The following TAFA1 variants were observed in gnomAD, a reference collection of about 807,000 sequenced individuals.
The protein encoded by TAFA1 is TAFA chemokine like family member 1, also known as chemokine-like protein TAFA-1.
In TAFA1, 4 loss-of-function variants were observed where a neutral mutation model predicts 18.5. The observed-to-expected ratio is 0.22, with a 90% confidence interval of 0.11 to 0.49. TAFA1 has a LOEUF of 0.49. Among genes scored for constraint, TAFA1 ranks in the 20% least tolerant of loss-of-function variants. TAFA1 has a pLI of 0.98. For missense variants in TAFA1, 147 were observed against 169.0 expected, an observed-to-expected ratio of 0.87 and a Z score of 0.72; for synonymous variants, 56 against 55.2, an observed-to-expected ratio of 1.01 and a Z score of -0.06.
intron 2 of TAFA1, among the ~76,000 whole-genome samples, chr3:68,288,228 C>T: frequency 6.6e-6 from 1 of 152,118 alleles, no homozygotes; most frequent in East Asian, 1.9e-4. Context: ...CTGCTCACTC[C>T]GCAGTGCAAA....
intron 2 of TAFA1, among the ~76,000 whole-genome samples, chr3:68,286,594 A>G (rs987672464): frequency 6.6e-6 from 1 of 152,180 alleles, no homozygotes; most frequent in Non-Finnish European, 1.5e-5. Flanking sequence ...AAAAACACCC[A>G]AGAAAGTTAG....
At chr3:68,305,635 T>G (rs1303890656) in intron 2 of TAFA1, among the ~76,000 whole-genome samples, 1 of 151,312 alleles carries the variant, frequency 6.6e-6, no homozygotes, top group Non-Finnish European at 1.5e-5. Context: ...CTAGAGTAAA[T>G]AATTAAAAGA....
chr3:68,278,908 G>A (rs2067845632), intron 2 of TAFA1, among the ~76,000 whole-genome samples: 1 of 152,150 alleles, frequency 6.6e-6, no homozygotes, highest in Admixed American at 6.6e-5. Flanking sequence ...TTCTAGACCA[G>A]TGCTTCCAAA....
chr3:68,046,772 G>A (rs909155361), intron 2 of TAFA1, among the ~76,000 whole-genome samples: 1 of 152,150 alleles, frequency 6.6e-6, no homozygotes, highest in African/African-American at 2.4e-5. Context: ...TATTGATAGA[G>A]TTAAGACTTG....
At chr3:68,086,504 T>G (rs1326975177) in intron 2 of TAFA1, among the ~76,000 whole-genome samples, 1 of 152,242 alleles carries the variant, frequency 6.6e-6, no homozygotes, top group African/African-American at 2.4e-5. Context: ...ATTCTTACTT[T>G]GCATTTTCAC....
chr3:68,164,630 C>CGTGTGTGT (rs1306831109), intron 2 of TAFA1, among the ~76,000 whole-genome samples: 35,296 of 146,452 alleles, frequency 0.24, 4,556 homozygotes, highest in Middle Eastern at 0.31. Flanking sequence ...CCTTTTGCAA[C>CGTGTGTGT]GTGTGTGTGT....
intron 2 of TAFA1, among the ~76,000 whole-genome samples, chr3:68,252,194 A>T (rs554084933): frequency 4.6e-5 from 7 of 152,168 alleles, no homozygotes; most frequent in Non-Finnish European, 8.8e-5. Flanking sequence ...TCTCTTATGA[A>T]ATTCACCAGA....
intron 2 of TAFA1, among the ~76,000 whole-genome samples, chr3:68,062,741 T>A (rs3924581): frequency 0.34 from 52,105 of 151,972 alleles, 9,683 homozygotes; most frequent in East Asian, 0.48. Flanking sequence ...AATATTTGAA[T>A]TATGAGTTGA....
chr3:68,409,307 A>G (rs1010803879), intron 2 of TAFA1, among the ~76,000 whole-genome samples: 1 of 152,280 alleles, frequency 6.6e-6, no homozygotes, highest in South Asian at 2.1e-4. Flanking sequence ...ACTGATAGAT[A>G]TGGTTTGGCA....
intron 3 of TAFA1, among the ~76,000 whole-genome samples, chr3:68,467,441 G>A (rs1015193612): frequency 7.2e-5 from 11 of 152,098 alleles, no homozygotes; most frequent in African/African-American, 1.7e-4. Context: ...CAATGGTTAC[G>A]GGTAGATGAT....
intron 2 of TAFA1, among the ~76,000 whole-genome samples, chr3:68,151,660 A>G (rs2065807924): frequency 6.6e-6 from 1 of 152,120 alleles, no homozygotes; most frequent in Non-Finnish European, 1.5e-5. Context: ...ACTAACCCAC[A>G]CCTAAGATAA....
At chr3:68,382,122 A>G (rs1202147105) in intron 2 of TAFA1, among the ~76,000 whole-genome samples, 2 of 152,184 alleles carry the variant, frequency 1.3e-5, no homozygotes, top group Admixed American at 6.5e-5. Context: ...CATCCCAGAG[A>G]TGAAGCCCAC....
chr3:68,162,677 A>G (rs1311922539), intron 2 of TAFA1, among the ~76,000 whole-genome samples: 2 of 152,200 alleles, frequency 1.3e-5, no homozygotes, highest in African/African-American at 2.4e-5. Context: ...ATTTTCTGGG[A>G]GTCCATTAAC....
chr3:68,363,453 A>G (rs2069510104), intron 2 of TAFA1, among the ~76,000 whole-genome samples: 1 of 152,112 alleles, frequency 6.6e-6, no homozygotes, highest in Non-Finnish European at 1.5e-5. Context: ...ATAGATGAAA[A>G]CACCAATGTT....
At chr3:68,178,648 G>A (rs891020750) in intron 2 of TAFA1, among the ~76,000 whole-genome samples, 2 of 152,328 alleles carry the variant, frequency 1.3e-5, no homozygotes, top group East Asian at 1.9e-4. Context: ...GCCCTGGGGC[G>A]GAAATACCTT....
chr3:68,419,645 A>G (rs1467123046), intron 3 of TAFA1, among the ~76,000 whole-genome samples: 2 of 152,152 alleles, frequency 1.3e-5, no homozygotes, highest in African/African-American at 2.4e-5. Context: ...CTTGGTTCAC[A>G]TAACAGGACA....
At chr3:68,498,882 G>C (rs1159670440) in intron 3 of TAFA1, among the ~76,000 whole-genome samples, 1 of 151,918 alleles carries the variant, frequency 6.6e-6, no homozygotes, top group African/African-American at 2.4e-5. Flanking sequence ...ACTTTCATGA[G>C]TAAAGGAGAT....
intron 3 of TAFA1, among the ~76,000 whole-genome samples, chr3:68,473,015 G>A (rs907847638): frequency 2.0e-5 from 3 of 152,138 alleles, no homozygotes; most frequent in Non-Finnish European, 4.4e-5. Context: ...TTACTTTTAA[G>A]AAATCTCGAA....
At chr3:68,155,926 A>G (rs1308023280) in intron 2 of TAFA1, among the ~76,000 whole-genome samples, 1 of 152,170 alleles carries the variant, frequency 6.6e-6, no homozygotes, top group African/African-American at 2.4e-5. Context: ...CTGCCAGCAT[A>G]GCACCTGGCA....
Sources: gnomAD v4.1 joint callset for allele counts (sites outside exome capture counted in the v4.1 genomes callset) on GRCh38, gnomAD v4.1.1 for gene constraint, MANE v1.5 for transcripts, NCBI Gene and HGNC (gene_info 2026-07-23, HGNC 2026-07-21) for gene names.